Variants in NR6A1 observed in about 807,000 individuals in gnomAD.
The protein encoded by NR6A1 is nuclear receptor subfamily 6 group A member 1, also known as retinoic acid receptor-related testis-associated receptor.
In NR6A1, 7 loss-of-function variants were observed where a neutral mutation model predicts 59.1. The observed-to-expected ratio is 0.12, with a 90% CI of 0.07 to 0.22. NR6A1 has a LOEUF of 0.22. Among genes scored for constraint, NR6A1 ranks in the 10% least tolerant of loss-of-function variants. The pLI, the probability that NR6A1 is intolerant of heterozygous loss-of-function variation, is 1.00. For missense variants in NR6A1, 468 were observed against 611.6 expected, an observed-to-expected ratio of 0.77 and a Z score of 2.48; for synonymous variants, 243 against 236.1, an observed-to-expected ratio of 1.03 and a Z score of -0.27.
chr9:124,534,168 G>T (rs887339030), intron 7 of NR6A1, among the ~76,000 whole-genome samples: 6 of 151,344 alleles, frequency 4.0e-5, no homozygotes, highest in Non-Finnish European at 8.8e-5. Flanking sequence ...CACCTACCAG[G>T]TTCAAGCGAT....
At chr9:124,557,754 A>G (rs546164571) in intron 2 of NR6A1, among the ~76,000 whole-genome samples, 1 of 152,348 alleles carries the variant, frequency 6.6e-6, no homozygotes, top group South Asian at 2.1e-4. Context: ...AACATGGAAC[A>G]CTGTTGGGAA....
intron 2 of NR6A1, among the ~76,000 whole-genome samples, chr9:124,639,333 T>C (rs546962135): frequency 9.8e-5 from 15 of 152,358 alleles, no homozygotes; most frequent in Admixed American, 7.8e-4. Flanking sequence ...TAACGTTTAC[T>C]GAGCACTCAC....
chr9:124,717,847 A>T (rs1207277561), intron 2 of NR6A1, among the ~76,000 whole-genome samples: 1 of 152,250 alleles, frequency 6.6e-6, no homozygotes, highest in East Asian at 1.9e-4. Context: ...GGGGCAGAAC[A>T]AGAGTTGAGA....
chr9:124,679,460 C>T (rs1232769448), intron 2 of NR6A1, among the ~76,000 whole-genome samples: 1 of 152,186 alleles, frequency 6.6e-6, no homozygotes, highest in Non-Finnish European at 1.5e-5. Context: ...CAGATCCGCA[C>T]CTGCCCCCTG....
chr9:124,738,105 T>C (rs1203138506), intron 1 of NR6A1, among the ~76,000 whole-genome samples: 3 of 151,906 alleles, frequency 2.0e-5, no homozygotes, highest in Non-Finnish European at 2.9e-5. Flanking sequence ...AATACAAAAA[T>C]TAGTCTGGCG....
intron 1 of NR6A1, among the ~76,000 whole-genome samples, chr9:124,744,716 T>C (rs1043853898): frequency 6.6e-6 from 1 of 152,208 alleles, no homozygotes; most frequent in African/African-American, 2.4e-5. Flanking sequence ...GTGAAGATGT[T>C]TTTATTTGTT....
chr9:124,670,755 C>G (rs546806784), intron 2 of NR6A1, among the ~76,000 whole-genome samples: 9 of 152,274 alleles, frequency 5.9e-5, no homozygotes, highest in South Asian at 2.1e-4. Context: ...AAGCCCATGT[C>G]AGGTTAAAGC....
At chr9:124,592,371 G>T (rs1188860139) in intron 2 of NR6A1, among the ~76,000 whole-genome samples, 1 of 152,150 alleles carries the variant, frequency 6.6e-6, no homozygotes, top group East Asian at 1.9e-4. Context: ...ATATTTGTAT[G>T]TCCATGGAAA....
chr9:124,556,594 G>C (rs1472823475), intron 2 of NR6A1, among the ~76,000 whole-genome samples: 1 of 151,902 alleles, frequency 6.6e-6, no homozygotes, highest in Non-Finnish European at 1.5e-5. Context: ...CCAAGTAGCT[G>C]GGATTACAGG....
chr9:124,669,588 A>T (rs1357598960), intron 2 of NR6A1, among the ~76,000 whole-genome samples: 2 of 152,242 alleles, frequency 1.3e-5, no homozygotes, highest in South Asian at 2.1e-4. Flanking sequence ...GACAATGAAT[A>T]ATCAACTTAA....
intron 2 of NR6A1, among the ~76,000 whole-genome samples, chr9:124,684,517 T>C (rs1838268209): frequency 6.6e-6 from 1 of 152,106 alleles, no homozygotes; most frequent in South Asian, 2.1e-4. Context: ...TGACACCAAC[T>C]CTCTCCTGAG....
At chr9:124,610,144 G>A (rs144930646) in intron 2 of NR6A1, among the ~76,000 whole-genome samples, 17 of 152,286 alleles carry the variant, frequency 1.1e-4, no homozygotes, top group African/African-American at 3.4e-4. Flanking sequence ...CATTGAAAAG[G>A]AGTGGTGAGA....
At chr9:124,746,852 T>C (rs943876949) in intron 1 of NR6A1, among the ~76,000 whole-genome samples, 4 of 152,118 alleles carry the variant, frequency 2.6e-5, no homozygotes, top group South Asian at 2.1e-4. Flanking sequence ...ATTGGAAAAA[T>C]AGGTGAGTAA....
chr9:124,610,952 C>G (rs1835724313), intron 2 of NR6A1, among the ~76,000 whole-genome samples: 1 of 152,010 alleles, frequency 6.6e-6, no homozygotes, highest in Non-Finnish European at 1.5e-5. Flanking sequence ...TGCTTTTGAC[C>G]CCAAATAACT....
chr9:124,637,907 AAAAAAG>A (rs1836660540), intron 2 of NR6A1, among the ~76,000 whole-genome samples: 1 of 150,684 alleles, frequency 6.6e-6, no homozygotes, highest in Non-Finnish European at 1.5e-5. Flanking sequence ...AAAAAAAAAA[AAAAAAG>A]AAAAAAAGGG....
intron 2 of NR6A1, among the ~76,000 whole-genome samples, chr9:124,732,653 G>A (rs1839917889): frequency 6.6e-6 from 1 of 151,584 alleles, no homozygotes; most frequent in African/African-American, 2.4e-5. Flanking sequence ...CTTTAGAAGT[G>A]TTTGTGAGTA....
chr9:124,656,586 T>C (rs1310845265), intron 2 of NR6A1, among the ~76,000 whole-genome samples: 1 of 151,976 alleles, frequency 6.6e-6, no homozygotes, highest in Non-Finnish European at 1.5e-5. Flanking sequence ...AATTCTAGGA[T>C]TTTGGGAGGC....
intron 2 of NR6A1, chr9:124,693,823 C>T (rs775007920): frequency 5.3e-5 from 28 of 530,192 alleles, no homozygotes; most frequent in Non-Finnish European, 1.1e-4. Flanking sequence ...AAAGCATGTG[C>T]AGAGAGTCGC....
chr9:124,768,895 C>T (rs1303592912), intron 1 of NR6A1, among the ~76,000 whole-genome samples: 7 of 152,002 alleles, frequency 4.6e-5, no homozygotes. Flanking sequence ...CAGGTGGGTA[C>T]AGGAAGTATT....
Sources: gnomAD v4.1 joint callset for allele counts (sites outside exome capture counted in the v4.1 genomes callset) on GRCh38, gnomAD v4.1.1 for gene constraint, MANE v1.5 for transcripts, NCBI Gene and HGNC (gene_info 2026-07-23, HGNC 2026-07-21) for gene names.